The following ECPAS variants were observed in gnomAD, a reference collection of about 807,000 sequenced individuals.
ECPAS encodes proteasome adapter and scaffold protein ECM29.
ECPAS carries 70 observed loss-of-function variants against 255.1 expected under a neutral mutation model. The ratio of observed to expected loss-of-function variants is 0.27; its 90% CI spans 0.23 to 0.33. The LOEUF (loss-of-function observed/expected upper bound fraction) is 0.33. Among genes scored for constraint, ECPAS ranks in the 10% least tolerant of loss-of-function variants. The pLI, the probability that ECPAS is intolerant of heterozygous loss-of-function variation, is 1.00. For missense variants in ECPAS, 1,817 were observed against 2,206.4 expected (o/e 0.82, Z 3.54); for synonymous variants, 784 against 775.0 (o/e 1.01, Z -0.19).
intron 1 of ECPAS, among the ~76,000 whole-genome samples, chr9:111,477,459 G>A (rs761071256): frequency 5.3e-5 from 8 of 151,860 alleles, no homozygotes; most frequent in East Asian, 3.9e-4. Context: ...TGGATACTGC[G>A]CCTGGCCCCG....
intron 2 of ECPAS, among the ~76,000 whole-genome samples, chr9:111,468,255 G>C (rs2098281880): frequency 6.6e-6 from 1 of 152,180 alleles, no homozygotes; most frequent in South Asian, 2.1e-4. Flanking sequence ...TTCTAGTAAA[G>C]CAAGTAGTAT....
chr9:111,448,249 AAT>A (rs1261950496), intron 3 of ECPAS, among the ~76,000 whole-genome samples: 1 of 152,118 alleles, frequency 6.6e-6, no homozygotes, highest in Non-Finnish European at 1.5e-5. Context: ...AAATCTCAAA[AAT>A]ATGTGACATT....
At chr9:111,391,084 C>T (rs944985241) in intron 29 of ECPAS, among the ~76,000 whole-genome samples, 2 of 152,186 alleles carry the variant, frequency 1.3e-5, no homozygotes, top group Non-Finnish European at 2.9e-5. Context: ...AGCAGAACAA[C>T]TCCGAAAGGC....
chr9:111,466,007 C>T (rs567401757), intron 2 of ECPAS, among the ~76,000 whole-genome samples: 5 of 150,792 alleles, frequency 3.3e-5, no homozygotes, highest in South Asian at 2.1e-4. Flanking sequence ...CACTCCAGCC[C>T]GGGTAACAGA....
intron 7 of ECPAS, among the ~76,000 whole-genome samples, chr9:111,434,585 CTTTTTTT>C (rs34507397): frequency 1.0e-3 from 112 of 109,264 alleles, no homozygotes; most frequent in Middle Eastern, 4.6e-3. Context: ...TTCCAGTTAA[CTTTTTTT>C]TTTTTTTTTT....
chr9:111,383,818 A>T (rs192421727), intron 34 of ECPAS, among the ~76,000 whole-genome samples: 32 of 152,226 alleles, frequency 2.1e-4, no homozygotes, highest in South Asian at 6.2e-4. Context: ...GCTCTCCAGG[A>T]GGCTGAGGTG....
chr9:111,450,957 GA>G lies in ECPAS; in HGVS notation c.153+467del, dbSNP rs2098259476. On this transcript the variant is annotated intron_variant, in intron 3 of 49. Transcript: ENST00000684092. ...AAAAAAAGAAAGAAAATGAAAATCT[GA>G]TGTGACAGTTATCCAACTTTTTGTA... Among the ~76,000 whole-genome samples, 3 of 152,072 alleles carry G rather than the reference GA, an allele frequency of 2.0e-5. No homozygotes were observed. In the South Asian group the frequency reaches 6.2e-4, roughly 32 times the overall value.
At chr9:111,461,369 G>GT (rs1275145450) in intron 2 of ECPAS, among the ~76,000 whole-genome samples, 1 of 152,102 alleles carries the variant, frequency 6.6e-6, no homozygotes, top group Non-Finnish European at 1.5e-5. Context: ...AGAGGCTTAG[G>GT]TGGGAGAACT....
chr9:111,483,873 A>C, intron 1 of ECPAS: 1 of 481,224 alleles, frequency 2.1e-6, no homozygotes. Context: ...CGCTCGCCCA[A>C]CTCACGCCGG....
intron 16 of ECPAS, among the ~76,000 whole-genome samples, chr9:111,419,085 C>G (rs920520093): frequency 2.6e-5 from 4 of 152,084 alleles, no homozygotes; most frequent in Non-Finnish European, 4.4e-5. Flanking sequence ...GCATGAGGGG[C>G]ACACAGCTGG....
chr9:111,404,813 C>CAAAAA (rs35277070), intron 24 of ECPAS, among the ~76,000 whole-genome samples: 4 of 52,838 alleles, frequency 7.6e-5, no homozygotes, highest in Admixed American at 2.0e-4. Flanking sequence ...TAATAGCTAC[C>CAAAAA]AAAAAAAAAA....
chr9:111,386,405 T>C lies in ECPAS; in HGVS notation c.3499A>G (p.Ser1167Gly), dbSNP rs1365350812. ...ILQDLVKNLTSNMWRVRESSC... is the reference protein window; with the variant it reads ...ILQDLVKNLTGNMWRVRESSC... ...GATTCTCGAACTCGCCACATATTGCTTGTAAGGTTCTTAACCAAATCTTGA... is the reference window on the plus strand; with the variant it reads ...GATTCTCGAACTCGCCACATATTGCCTGTAAGGTTCTTAACCAAATCTTGA... The change falls in exon 32 of 50, where the codon AGC (serine) becomes GGC (glycine). Residue 1167 changes from serine (S) to glycine (G), a missense_variant. Ser to Gly is a moderately conservative substitution (Grantham distance 56, BLOSUM62 0). Transcript: ENST00000684092. 4.4e-6 allele frequency: 7 copies of C among 1,603,600 alleles called. No individual in the cohort carries two copies. Among genetic ancestry groups the C allele is most frequent in the African/African-American group, 1.3e-5 (1 of 74,688 alleles).
intron 16 of ECPAS, 76 bp downstream of exon 16, chr9:111,419,941 A>G: frequency 9.1e-7 from 1 of 1,104,204 alleles, no homozygotes; most frequent in African/African-American, 1.6e-5. Context: ...CAACATTGTA[A>G]ACAATACAAC....
intron 30 of ECPAS, 84 bp from the exon 31 acceptor site, chr9:111,389,807 G>A: frequency 7.3e-7 from 1 of 1,369,662 alleles, no homozygotes; most frequent in South Asian, 1.4e-5. Context: ...CCAAACTTAT[G>A]CCTAAATACA....
At chr9:111,423,443 T>A (rs116578795) in intron 12 of ECPAS, among the ~76,000 whole-genome samples, 195 bp from the exon 13 acceptor site, 6 of 152,188 alleles carry the variant, frequency 3.9e-5, no homozygotes, top group African/African-American at 9.6e-5. Flanking sequence ...CCAGAATCCA[T>A]CACACTAACT....
Position 111,363,538 on chromosome 9 carries a change from A to G in ECPAS, c.5380+50T>C, listed in dbSNP as rs7038983. 4.4e-3 allele frequency: 4,892 copies of G among 1,120,958 alleles called. 136 individuals are homozygous for G. The African/African-American group carries it at 0.064, about 15-fold the overall frequency. 69.4% of individuals were successfully genotyped at this position (1,120,958 alleles called of 1,614,324 possible). The stretch of plus-strand genomic sequence containing the variant: ...AAACGAAACAAAAAATTTCTAAAAC[A>G]TATGCCACATGGCTTTATGGTCCCC... On this transcript the variant is annotated intron_variant, in intron 49 of 49. Coordinates refer to ENST00000684092, the MANE Select transcript of ECPAS (RefSeq NM_001364929.1).
At chr9:111,459,701 G>T (rs931704719) in intron 2 of ECPAS, among the ~76,000 whole-genome samples, 1 of 152,062 alleles carries the variant, frequency 6.6e-6, no homozygotes, top group African/African-American at 2.4e-5. Flanking sequence ...ATTTTAAGGG[G>T]CTTTTTTAAT....
intron 24 of ECPAS, among the ~76,000 whole-genome samples, chr9:111,407,432 A>AAAAAC (rs2098186578): frequency 7.0e-5 from 10 of 142,850 alleles, no homozygotes; most frequent in Non-Finnish European, 1.4e-4. Flanking sequence ...AAAAAAAAAA[A>AAAAAC]AAAAAACCTA....
chr9:111,431,313 T>G (rs142550038), intron 8 of ECPAS, among the ~76,000 whole-genome samples: 6,253 of 152,262 alleles, frequency 0.041, 281 homozygotes, highest in East Asian at 0.14. Context: ...ATCCCAGCAC[T>G]TTGGGAGGCC....
Sources: allele counts gnomAD v4.1 joint callset (sites outside exome capture counted in the v4.1 genomes callset), GRCh38; gene constraint gnomAD v4.1.1; transcripts MANE v1.5; gene names NCBI Gene and HGNC (gene_info 2026-07-23, HGNC 2026-07-21).